PLB1: variants seen among roughly 807,000 people sequenced by gnomAD.
PLB1 encodes the protein phospholipase B1, membrane-associated.
PLB1 carries 242 observed loss-of-function variants against 227.4 expected under a neutral mutation model. That is an observed-to-expected ratio of 1.06 (90% CI 0.96 to 1.18). PLB1 has a LOEUF of 1.18. Among genes scored for constraint, PLB1 ranks in the 50% most tolerant of loss-of-function variants. PLB1 has a pLI of 0.00. For missense variants in PLB1, 1,858 were observed against 1,816.3 expected, an observed-to-expected ratio of 1.02 and a Z score of -0.42; for synonymous variants, 757 against 682.2, an observed-to-expected ratio of 1.11 and a Z score of -1.71.
At chr2:28,628,677 G>A (rs374344219) in intron 52 of PLB1, 49 bp downstream of exon 52, 8 of 1,559,568 alleles carry the variant, frequency 5.1e-6, no homozygotes, top group Non-Finnish European at 7.1e-6. Flanking sequence ...ACCTCCCTGG[G>A]ATGCATGTAG....
intron 17 of PLB1, among the ~76,000 whole-genome samples, chr2:28,556,071 C>T (rs981364323): frequency 4.6e-5 from 7 of 151,944 alleles, no homozygotes; most frequent in African/African-American, 7.3e-5. Flanking sequence ...CTATGTTGCC[C>T]GGGCTGGCCT....
Position 28,606,488 on chromosome 2 carries a change from C to G in PLB1, c.3058-8C>G. On this transcript the variant is annotated splice_polypyrimidine_tract_variant and splice_region_variant and intron_variant, in intron 42 of 57. Transcript: ENST00000327757. ...TACACCCGTGTCTCTCTTTTCTTCC[C>G]TGATCAGCTTGAACCACTTGGAAGC... is the stretch of plus-strand genomic sequence containing the variant. 1.2e-6 allele frequency: 2 copies of G among 1,613,716 alleles called. No homozygotes were observed. The highest frequency in any genetic ancestry group is 1.7e-6 in the Non-Finnish European group (2 of 1,179,570).
chr2:28,548,720 T>C (rs972855861), intron 14 of PLB1, 140 bp from the exon 15 acceptor site: 1 of 774,050 alleles, frequency 1.3e-6, no homozygotes, highest in Non-Finnish European at 2.2e-6. Context: ...CTCAGTAGTT[T>C]GGGGATGGGG....
chr2:28,580,178 T>C (rs757174616), intron 23 of PLB1, among the ~76,000 whole-genome samples: 32 of 152,206 alleles, frequency 2.1e-4, no homozygotes, highest in Admixed American at 3.9e-4. Context: ...TGCTGCTCCA[T>C]GGATGCTGCG....
chr2:28,533,463 G>C (rs890333743), intron 9 of PLB1, among the ~76,000 whole-genome samples: 2 of 152,138 alleles, frequency 1.3e-5, no homozygotes, highest in African/African-American at 2.4e-5. Flanking sequence ...GCATTGACAT[G>C]CTCAAGCATT....
chr2:28,591,770 C>T lies in PLB1; in HGVS notation c.2188+10C>T, dbSNP rs201120983. The T allele has an allele frequency of 1.2e-5, 20 of 1,613,570 alleles. No individual in the cohort carries two copies. In the East Asian group the frequency reaches 4.2e-4, roughly 34 times the overall value. ...TTGCACCCTACCTCAGGTAAGCCCCCTATGGCACAGCAGGACCCAGGGCCC... is the reference window on the plus strand; with the variant it reads ...TTGCACCCTACCTCAGGTAAGCCCCTTATGGCACAGCAGGACCCAGGGCCC... On this transcript the variant is annotated intron_variant, in intron 31 of 57. Coordinates refer to ENST00000327757, the MANE Select transcript of PLB1 (RefSeq NM_153021.5).
intron 1 of PLB1, among the ~76,000 whole-genome samples, chr2:28,496,722 T>C (rs1216319403): frequency 6.6e-6 from 1 of 152,022 alleles, no homozygotes; most frequent in African/African-American, 2.4e-5. Context: ...GGCTTTCCAT[T>C]CCCCCCAACA....
chr2:28,585,032 C>A (rs4666103), intron 25 of PLB1, among the ~76,000 whole-genome samples: 3 of 152,100 alleles, frequency 2.0e-5, no homozygotes, highest in Non-Finnish European at 4.4e-5. Context: ...GGTTAATACC[C>A]ATAAAGTTTT....
intron 4 of PLB1, among the ~76,000 whole-genome samples, chr2:28,520,119 A>G (rs1226005814): frequency 6.6e-6 from 1 of 151,380 alleles, no homozygotes; most frequent in Non-Finnish European, 1.5e-5. Context: ...GTAGAGACAG[A>G]GTTTCTCCAT....
At chr2:28,631,224 C>A (rs1387322116) in intron 54 of PLB1, among the ~76,000 whole-genome samples, 2 of 152,026 alleles carry the variant, frequency 1.3e-5, no homozygotes, top group African/African-American at 4.8e-5. Flanking sequence ...ATTCTCCTTG[C>A]CCTCTCTCTG....
rs150481495 is a variant in PLB1 at position 28,592,721 on chromosome 2, T to G, written c.2247+2T>G. ...GCTGCTCTGGGGGATTCTCTGACCG[T>G]AAGGACTCTTGGGCCCCAGGTGGTT... On this transcript the variant is annotated splice_donor_variant, in intron 32 of 57. Transcript: ENST00000327757. LOFTEE classifies it high-confidence loss of function. 7.7e-5 allele frequency: 125 copies of G among 1,613,834 alleles called. No homozygotes were observed. The highest frequency in any genetic ancestry group is 1.0e-4 in the Non-Finnish European group (122 of 1,179,906).
Position 28,509,179 on chromosome 2 carries a change from A to G in PLB1, c.56-7629A>G, listed in dbSNP as rs189279587. ...CAGGGGCTAGAAAATTGCACTCCAG[A>G]CACATCATAAGTATACGAACATCAA... is the stretch of plus-strand genomic sequence containing the variant. On this transcript the variant is annotated intron_variant, in intron 1 of 57. Coordinates refer to ENST00000327757, the MANE Select transcript of PLB1 (RefSeq NM_153021.5). Among the ~76,000 whole-genome samples the G allele has an allele frequency of 6.6e-5, 10 of 152,326 alleles. No homozygotes were observed. The East Asian group carries it at 1.9e-3, about 29-fold the overall frequency.
chr2:28,627,364 G>A lies in PLB1; in HGVS notation c.3660+856G>A, dbSNP rs1018718688. ...GGGGATACCTGGACCCCAGAGCTGCGTGGACACTGTGGACGCTGGCGTAGG... is the reference window on the plus strand; with the variant it reads ...GGGGATACCTGGACCCCAGAGCTGCATGGACACTGTGGACGCTGGCGTAGG... On this transcript the variant is annotated intron_variant, in intron 51 of 57. Coordinates refer to ENST00000327757, the MANE Select transcript of PLB1 (RefSeq NM_153021.5). Among the ~76,000 whole-genome samples the A allele has an allele frequency of 5.9e-5, 9 of 152,278 alleles. 1 individual carries two copies. The highest frequency in any genetic ancestry group is 4.1e-4 in the South Asian group (2 of 4,822).
At chr2:28,544,620 A>G (rs548270544) in intron 14 of PLB1, among the ~76,000 whole-genome samples, 1 of 152,344 alleles carries the variant, frequency 6.6e-6, no homozygotes, top group East Asian at 1.9e-4. Flanking sequence ...AACGAGAGTC[A>G]AAAGGGACTC....
intron 14 of PLB1, 183 bp from the exon 15 acceptor site, chr2:28,548,677 C>T (rs1377449273): frequency 4.6e-6 from 3 of 657,870 alleles, no homozygotes; most frequent in Middle Eastern, 2.5e-4. Flanking sequence ...CTGCTTACAA[C>T]ACAGACTGCT....
At chr2:28,642,074 C>T (rs547679856) in intron 57 of PLB1, among the ~76,000 whole-genome samples, 2 of 152,214 alleles carry the variant, frequency 1.3e-5, no homozygotes, top group South Asian at 4.1e-4. Context: ...CCGCCTCCCT[C>T]CAGGTCCAGA....
chr2:28,638,796 G>A (rs1689655287), intron 56 of PLB1, among the ~76,000 whole-genome samples: 1 of 133,284 alleles, frequency 7.5e-6, no homozygotes, highest in Non-Finnish European at 1.6e-5. Flanking sequence ...CAGAAGTTTG[G>A]AACTCACAGA....
chr2:28,617,916 TCCTGCGG>T (rs1185094631), intron 45 of PLB1, 129 bp downstream of exon 45: 48 of 921,252 alleles, frequency 5.2e-5, no homozygotes, highest in Non-Finnish European at 8.3e-5. Flanking sequence ...CAGACCTAGA[TCCTGCGG>T]CCTGCCGCCA....
At position 28,565,327 on chromosome 2, in the gene PLB1, G is replaced by C; in HGVS notation, c.1254G>C (p.Leu418Phe). Reference sequence around the variant, plus strand: ...CACCTGGGAACGTCTTGGACGTCTTGACTCAGTACCGAGGCCTGTCCTGGA... The same window carrying C: ...CACCTGGGAACGTCTTGGACGTCTTCACTCAGTACCGAGGCCTGTCCTGGA... ...GSTPGNVLDV[L>F]TQYRGLSWSV... Residue 418 changes from leucine (L) to phenylalanine (F), a missense_variant, in exon 19 of 58, where the codon TTG becomes TTC. By Grantham distance (22) the Leu-to-Phe change is conservative. Transcript: ENST00000327757. The C allele has an allele frequency of 6.2e-7, 1 of 1,611,336 alleles. No individual in the cohort carries two copies. Among genetic ancestry groups the C allele is most frequent in the Non-Finnish European group, 8.5e-7 (1 of 1,179,026 alleles).
Sources: allele counts gnomAD v4.1 joint callset (sites outside exome capture counted in the v4.1 genomes callset), GRCh38; gene constraint gnomAD v4.1.1; transcripts MANE v1.5; gene names NCBI Gene and HGNC (gene_info 2026-07-23, HGNC 2026-07-21).